The following GLRA2 variants were observed in gnomAD, a reference collection of about 807,000 sequenced individuals.
GLRA2 encodes glycine receptor subunit alpha-2.
A neutral mutation model predicts 31.6 loss-of-function variants in GLRA2; 11 were observed. That is an observed-to-expected ratio of 0.35 (90% CI 0.22 to 0.58). GLRA2 has a LOEUF of 0.58. GLRA2 is among the 20% of genes least tolerant of loss of function. The pLI, the probability that GLRA2 is intolerant of heterozygous loss-of-function variation, is 0.84. For missense variants in GLRA2, 212 were observed against 351.8 expected (o/e 0.60, Z 3.18); for synonymous variants, 132 against 134.0 (o/e 0.99, Z 0.10).
intron 8 of GLRA2, among the ~76,000 whole-genome samples, chrX:14,707,432 T>A (rs1207406919): frequency 2.7e-5 from 3 of 111,578 alleles, no homozygotes; most frequent in East Asian, 5.6e-4. Context: ...CCAATACTTA[T>A]GAAGTATTTC....
chrX:14,480,790 C>T, the GLRA2 span, among the ~76,000 whole-genome samples: 2 of 111,608 alleles, frequency 1.8e-5, no homozygotes, highest in Non-Finnish European at 3.8e-5. Context: ...AGTAGGGTAA[C>T]GTGGTATCTC....
At chrX:14,573,346 T>C (rs2089910756) in intron 2 of GLRA2, among the ~76,000 whole-genome samples, 1 of 112,005 alleles carries the variant, frequency 8.9e-6, no homozygotes, top group African/African-American at 3.2e-5. Context: ...GCCAAATTCC[T>C]CTTCTTTCAG....
Position 14,629,253 on chromosome X carries a change from T to A in GLRA2, c.930+20048T>A. Among the ~76,000 whole-genome samples, 3 of 111,115 alleles carry A rather than the reference T, an allele frequency of 2.7e-5. No individual in the cohort carries two copies. The Middle Eastern group carries it at 0.014, about 514-fold the overall frequency. ...TGTCTTGTAACTCAGGCATGAATAA[T>A]AGAGAAGGAAGGCTGTGAGGAACAG... On this transcript the variant is annotated intron_variant, in intron 7 of 8. Transcript: ENST00000218075.
chrX:14,663,868 T>C (rs924270025), intron 7 of GLRA2, among the ~76,000 whole-genome samples: 4 of 111,316 alleles, frequency 3.6e-5, no homozygotes, highest in Non-Finnish European at 5.7e-5. Flanking sequence ...GATTTTCCAA[T>C]GTATATGTAT....
At chrX:14,635,868 T>G (rs1395379990) in intron 7 of GLRA2, among the ~76,000 whole-genome samples, 1 of 110,911 alleles carries the variant, frequency 9.0e-6, no homozygotes, top group Non-Finnish European at 1.9e-5. Context: ...GATCAAACAT[T>G]GCAGTTTGAA....
intron 3 of GLRA2, among the ~76,000 whole-genome samples, chrX:14,579,937 T>C (rs2089998028): frequency 8.9e-6 from 1 of 112,233 alleles, no homozygotes; most frequent in African/African-American, 3.2e-5. Flanking sequence ...AAAAACCGTA[T>C]TGAAGCTTTT....
chrX:14,456,525 C>T, the GLRA2 span, among the ~76,000 whole-genome samples: 1 of 111,903 alleles, frequency 8.9e-6, no homozygotes, highest in Non-Finnish European at 1.9e-5. Flanking sequence ...TCTCCCTTTC[C>T]AGCCTCTGGT....
the GLRA2 span, among the ~76,000 whole-genome samples, chrX:14,452,382 G>A: frequency 8.9e-6 from 1 of 112,329 alleles, no homozygotes; most frequent in African/African-American, 3.2e-5. Context: ...TCTTTATGCT[G>A]CCTGTTTCTT....
intron 2 of GLRA2, among the ~76,000 whole-genome samples, chrX:14,570,946 T>A (rs1229611139): frequency 9.0e-6 from 1 of 110,967 alleles, no homozygotes; most frequent in Non-Finnish European, 1.9e-5. Context: ...GATCTATATC[T>A]TACTTCCATT....
At chrX:14,639,070 C>G (rs1404433729) in intron 7 of GLRA2, among the ~76,000 whole-genome samples, 1 of 111,340 alleles carries the variant, frequency 9.0e-6, no homozygotes, top group Non-Finnish European at 1.9e-5. Context: ...TACCCTTGAT[C>G]AAGCCAATTA....
chrX:14,701,490 G>A (rs1057371367), intron 8 of GLRA2, among the ~76,000 whole-genome samples: 2 of 111,437 alleles, frequency 1.8e-5, no homozygotes, highest in Non-Finnish European at 3.8e-5. Flanking sequence ...TTGCATGCCC[G>A]TGAAGCCAAT....
the GLRA2 span, among the ~76,000 whole-genome samples, chrX:14,518,649 GTGTGTA>G: frequency 2.7e-4 from 30 of 110,523 alleles, no homozygotes; most frequent in Non-Finnish European, 4.9e-4. Flanking sequence ...AACTGTGTGT[GTGTGTA>G]TGTGTGTGTG....
chrX:14,466,874 A>G, the GLRA2 span, among the ~76,000 whole-genome samples: 3 of 112,084 alleles, frequency 2.7e-5, no homozygotes, highest in Non-Finnish European at 3.8e-5. Flanking sequence ...GACTAAAGCC[A>G]TGGACTGATT....
chrX:14,685,317 G>A (rs1325592861), intron 7 of GLRA2, among the ~76,000 whole-genome samples: 3 of 111,611 alleles, frequency 2.7e-5, no homozygotes, highest in East Asian at 5.6e-4. Flanking sequence ...GTATCAGGAC[G>A]ATGCTGGCCT....
At chrX:14,593,166 C>A (rs1227869407) in intron 4 of GLRA2, among the ~76,000 whole-genome samples, 1 of 111,864 alleles carries the variant, frequency 8.9e-6, no homozygotes, top group East Asian at 2.8e-4. Context: ...TTCATTCTCA[C>A]AGCACATAAT....
intron 7 of GLRA2, among the ~76,000 whole-genome samples, chrX:14,660,575 G>A (rs1487200280): frequency 9.0e-6 from 1 of 111,391 alleles, no homozygotes; most frequent in Non-Finnish European, 1.9e-5. Flanking sequence ...GACTGTGGGT[G>A]AACAAGGGAG....
intron 7 of GLRA2, among the ~76,000 whole-genome samples, chrX:14,637,814 G>A (rs904463877): frequency 9.0e-6 from 1 of 111,495 alleles, no homozygotes; most frequent in Non-Finnish European, 1.9e-5. Flanking sequence ...TCATATAAGG[G>A]ATACATTTAT....
chrX:14,583,982 A>G (rs2090053264), intron 4 of GLRA2, among the ~76,000 whole-genome samples: 1 of 111,090 alleles, frequency 9.0e-6, no homozygotes, highest in Admixed American at 9.6e-5. Flanking sequence ...TCTTACTTAT[A>G]AGTGGGAACT....
the GLRA2 span, among the ~76,000 whole-genome samples, chrX:14,464,746 T>C: frequency 4.5e-5 from 5 of 110,275 alleles, no homozygotes; most frequent in Admixed American, 9.7e-5. Context: ...TTAGTAGAGA[T>C]GGGGTTTCAC....
Sources: allele counts gnomAD v4.1 joint callset (sites outside exome capture counted in the v4.1 genomes callset), GRCh38; gene constraint gnomAD v4.1.1; transcripts MANE v1.5; gene names NCBI Gene and HGNC (gene_info 2026-07-23, HGNC 2026-07-21).